The following RNF6 variants were observed in gnomAD, a reference collection of about 807,000 sequenced individuals.
The protein encoded by RNF6 is ring finger protein 6, also known as E3 ubiquitin-protein ligase RNF6.
RNF6 carries 21 observed loss-of-function variants against 50.1 expected under a neutral mutation model. The observed-to-expected ratio is 0.42, with a 90% CI of 0.30 to 0.60. RNF6 has a LOEUF of 0.60. Ranked by LOEUF, RNF6 falls within the 20% of genes least tolerant of loss-of-function variation. The pLI, the probability that RNF6 is intolerant of heterozygous loss-of-function variation, is 0.20. For missense variants in RNF6, 698 were observed against 838.2 expected, an observed-to-expected ratio of 0.83 and a Z score of 2.07; for synonymous variants, 255 against 291.8, an observed-to-expected ratio of 0.87 and a Z score of 1.29.
chr13:26,211,487 G>A (rs1566435360), downstream of RNF6, among the ~76,000 whole-genome samples: 1 of 152,176 alleles, frequency 6.6e-6, no homozygotes, highest in African/African-American at 2.4e-5. Context: ...GGCCAGGCAT[G>A]GTGGCTCATG....
intron 5 of RNF6, among the ~76,000 whole-genome samples, chr13:26,160,243 T>C (rs1194170226): frequency 6.6e-6 from 1 of 152,196 alleles, no homozygotes; most frequent in Non-Finnish European, 1.5e-5. Flanking sequence ...CTAGAAGCTG[T>C]TGATTTTGAG....
intron 5 of RNF6, among the ~76,000 whole-genome samples, chr13:26,188,133 C>T (rs1305576596): frequency 6.6e-6 from 1 of 152,202 alleles, no homozygotes; most frequent in Admixed American, 6.5e-5. Context: ...CAGACCATCA[C>T]AACTGTCTTG....
intron 5 of RNF6, among the ~76,000 whole-genome samples, chr13:26,204,496 C>CAAAAAAAAAAAAAAAA (rs71080239): frequency 1.5e-5 from 1 of 68,964 alleles, no homozygotes; most frequent in Non-Finnish European, 2.9e-5. Flanking sequence ...GACTCCACCT[C>CAAAAAAAAAAAAAAAA]AAAAAAAAAA....
At chr13:26,209,133 TAG>T (rs749765094), downstream of RNF6, among the ~76,000 whole-genome samples, 2 of 152,232 alleles carry the variant, frequency 1.3e-5, no homozygotes, top group Non-Finnish European at 2.9e-5. Context: ...GCCTGCTGTA[TAG>T]AGACCTGTGA....
At position 26,213,791 on chromosome 13, in the gene RNF6, C is replaced by T. The variant is rs1469219973; in HGVS notation, c.*33G>A. ...AACAATGCTTGAACATTCAGTTCTA[C>T]TAAAAAACAGTATTTGAGTAGATCC... On this transcript the variant is annotated 3_prime_UTR_variant, in exon 5 of 5. Transcript: ENST00000381588. 1 of 1,519,870 alleles carries T rather than the reference C, an allele frequency of 6.6e-7. No homozygotes were observed. The highest frequency in any genetic ancestry group is 1.3e-5 in the South Asian group (1 of 77,374). The allele number at this position is 1,519,870 out of a possible 1,614,324, so 94.1% of individuals were successfully genotyped here.
chr13:26,195,578 A>T (rs1868628219), intron 5 of RNF6, among the ~76,000 whole-genome samples: 1 of 152,216 alleles, frequency 6.6e-6, no homozygotes, highest in South Asian at 2.1e-4. Context: ...CCAAACACAA[A>T]CAAATTACAC....
In RNF6 at chr13:26,197,751, T is replaced by C. The variant is rs796225055; in HGVS notation, n.768+17723A>G. Among the ~76,000 whole-genome samples the C allele has an allele frequency of 5.7e-4, 87 of 151,942 alleles. 2 individuals are homozygous for C. Among genetic ancestry groups the C allele is most frequent in the African/African-American group, 2.0e-3 (83 of 41,288 alleles). On this transcript the variant is annotated intron_variant and non_coding_transcript_variant, in intron 5 of 5. Coordinates refer to the RNF6 transcript ENST00000468480. Reference sequence around the variant, plus strand: ...ATCTCTGAAAATACATTAGGCTGGGTGCAGTGGCTCACACCTGTAATCCCA... The same window carrying C: ...ATCTCTGAAAATACATTAGGCTGGGCGCAGTGGCTCACACCTGTAATCCCA...
intron 5 of RNF6, among the ~76,000 whole-genome samples, chr13:26,171,588 C>T (rs562533590): frequency 6.6e-6 from 1 of 152,288 alleles, no homozygotes; most frequent in Non-Finnish European, 1.5e-5. Context: ...CAAACAGGTA[C>T]TTGCACAAAG....
chr13:26,191,744 C>T (rs538768173), intron 5 of RNF6, among the ~76,000 whole-genome samples: 2 of 152,188 alleles, frequency 1.3e-5, no homozygotes, highest in Non-Finnish European at 2.9e-5. Context: ...TTATAAATCA[C>T]TCAGTCTCAG....
chr13:26,158,038 G>A (rs142719496), intron 5 of RNF6, among the ~76,000 whole-genome samples: 41 of 151,948 alleles, frequency 2.7e-4, no homozygotes, highest in Middle Eastern at 3.4e-3. Flanking sequence ...ATAGATGGAC[G>A]GATAGCTAGA....
At chr13:26,148,780 C>T (rs981631173) in intron 5 of RNF6, among the ~76,000 whole-genome samples, 1 of 149,450 alleles carries the variant, frequency 6.7e-6, no homozygotes, top group Non-Finnish European at 1.5e-5. Context: ...ATCCCCAGAT[C>T]TGCAGGGTGA....
chr13:26,153,861 C>T (rs1301803656), intron 5 of RNF6, among the ~76,000 whole-genome samples: 3 of 152,150 alleles, frequency 2.0e-5, no homozygotes, highest in African/African-American at 7.2e-5. Flanking sequence ...GCATCTATTG[C>T]TCATCCGCGT....
intron 5 of RNF6, among the ~76,000 whole-genome samples, chr13:26,149,443 T>C (rs1181737915): frequency 6.6e-6 from 1 of 151,910 alleles, no homozygotes; most frequent in Non-Finnish European, 1.5e-5. Flanking sequence ...AAAAATTAGC[T>C]GAGCGTGGTG....
intron 5 of RNF6, among the ~76,000 whole-genome samples, chr13:26,190,128 T>C (rs1032442781): frequency 2.4e-4 from 37 of 152,142 alleles, no homozygotes; most frequent in African/African-American, 8.9e-4. Context: ...CGATCGAATG[T>C]GGTTTGTGGC....
At chr13:26,156,204 A>G (rs1341739347) in intron 5 of RNF6, among the ~76,000 whole-genome samples, 1 of 152,242 alleles carries the variant, frequency 6.6e-6, no homozygotes. Context: ...AATAAAATCA[A>G]GTAGTAAGAG....
rs948708377 is a variant in RNF6 at position 26,213,505 on chromosome 13, G to A, written c.*319C>T. On this transcript the variant is annotated 3_prime_UTR_variant, in exon 5 of 5. Coordinates refer to ENST00000381588, the MANE Select transcript of RNF6 (RefSeq NM_005977.4). Reference sequence around the variant, plus strand: ...AAGTCTGCTGTACTATTAAGAAAAAGAAGATTGATTCTTAACCTACTGAAT... The same window carrying A: ...AAGTCTGCTGTACTATTAAGAAAAAAAAGATTGATTCTTAACCTACTGAAT... The A allele has an allele frequency of 5.4e-6, 1 of 186,158 alleles. No homozygotes were observed. Among genetic ancestry groups the A allele is most frequent in the African/African-American group, 2.4e-5 (1 of 42,494 alleles). 11.5% of individuals were successfully genotyped at this position (186,158 alleles called of 1,614,324 possible).
intron 5 of RNF6, among the ~76,000 whole-genome samples, chr13:26,168,134 A>G (rs756566721): frequency 6.6e-6 from 1 of 152,232 alleles, no homozygotes; most frequent in South Asian, 2.1e-4. Flanking sequence ...TAATCTGTAC[A>G]ATCAATCCCC....
At chr13:26,178,829 C>A (rs1873099422) in intron 5 of RNF6, among the ~76,000 whole-genome samples, 1 of 152,088 alleles carries the variant, frequency 6.6e-6, no homozygotes, top group South Asian at 2.1e-4. Flanking sequence ...ATTCTACTGT[C>A]TGCTTCTATG....
chr13:26,184,426 C>T (rs1020204124), intron 5 of RNF6, among the ~76,000 whole-genome samples: 1 of 151,658 alleles, frequency 6.6e-6, no homozygotes, highest in African/African-American at 2.4e-5. Context: ...GTGAAAAAGA[C>T]ATGTTGTTGT....
Sources: gnomAD v4.1 joint callset for allele counts (sites outside exome capture counted in the v4.1 genomes callset) on GRCh38, gnomAD v4.1.1 for gene constraint, MANE v1.5 for transcripts, NCBI Gene and HGNC (gene_info 2026-07-23, HGNC 2026-07-21) for gene names.